Variants in ECT2L observed in about 807,000 individuals in gnomAD.
ECT2L encodes the protein epithelial cell transforming 2 like.
In ECT2L, 126 loss-of-function variants were observed where a neutral mutation model predicts 122.8. The ratio of observed to expected loss-of-function variants is 1.03; its 90% CI spans 0.89 to 1.19. The LOEUF (loss-of-function observed/expected upper bound fraction) is 1.19. Ranked by LOEUF, ECT2L falls within the 50% of genes most tolerant of loss-of-function variation. ECT2L has a pLI of 0.00. For synonymous variants in ECT2L, 385 were observed against 381.8 expected (o/e 1.01, Z -0.10); for missense variants, 1,012 against 1,064.1 (o/e 0.95, Z 0.68).
intron 18 of ECT2L, 68 bp from the exon 19 acceptor site, chr6:138,886,789 A>G (rs1316242541): frequency 9.1e-7 from 1 of 1,094,234 alleles, no homozygotes; most frequent in Admixed American, 1.9e-5. Context: ...AAAATATTTT[A>G]ATCTATTTCT....
chr6:138,879,199 C>T, intron 14 of ECT2L: 1 of 305,018 alleles, frequency 3.3e-6, no homozygotes, highest in East Asian at 9.3e-5. Context: ...AATAGGCTTT[C>T]ATTAGTTTAC....
chr6:138,839,364 C>CTTTTT (rs11325945), intron 5 of ECT2L, among the ~76,000 whole-genome samples: 1 of 147,614 alleles, frequency 6.8e-6, no homozygotes, highest in African/African-American at 2.5e-5. Flanking sequence ...TAAACACATA[C>CTTTTT]TTTTTTTTTT....
At chr6:138,886,251 A>G (rs952423303) in intron 18 of ECT2L, among the ~76,000 whole-genome samples, 3 of 152,210 alleles carry the variant, frequency 2.0e-5, no homozygotes, top group African/African-American at 7.2e-5. Context: ...GGAGTACAGT[A>G]CTATCATTCT....
At chr6:138,832,721 T>A (rs1434951848) in intron 4 of ECT2L, among the ~76,000 whole-genome samples, 1 of 152,018 alleles carries the variant, frequency 6.6e-6, no homozygotes, top group Non-Finnish European at 1.5e-5. Context: ...CAATTTCAGC[T>A]CCCATTTAGT....
chr6:138,829,673 A>G (rs1258515066), intron 4 of ECT2L, among the ~76,000 whole-genome samples: 1 of 152,102 alleles, frequency 6.6e-6, no homozygotes, highest in African/African-American at 2.4e-5. Flanking sequence ...TGTTGTCCTT[A>G]AGGTATGCCA....
chr6:138,844,636 C>T, intron 7 of ECT2L, 56 bp downstream of exon 7: 1 of 1,513,594 alleles, frequency 6.6e-7, no homozygotes, highest in Admixed American at 1.8e-5. Context: ...CAATAATTCA[C>T]TCTAGAATAA....
intron 4 of ECT2L, among the ~76,000 whole-genome samples, chr6:138,829,916 G>T (rs1192934449): frequency 6.6e-6 from 1 of 152,026 alleles, no homozygotes; most frequent in Non-Finnish European, 1.5e-5. Context: ...TAGAGATGGG[G>T]TTTCACCATG....
chr6:138,818,875 G>T (rs1011688402), intron 4 of ECT2L, among the ~76,000 whole-genome samples: 1 of 152,154 alleles, frequency 6.6e-6, no homozygotes, highest in East Asian at 1.9e-4. Flanking sequence ...ATCCGGGGGT[G>T]GGGGGTTCTT....
At chr6:138,867,990 A>C in intron 12 of ECT2L, 113 bp from the exon 13 acceptor site, 1 of 681,964 alleles carries the variant, frequency 1.5e-6, no homozygotes, top group Non-Finnish European at 2.2e-6. Flanking sequence ...ACAGAGTAAG[A>C]TTCTGTCTCA....
At chr6:138,856,406 G>T (rs1252482879) in intron 10 of ECT2L, among the ~76,000 whole-genome samples, 2 of 152,120 alleles carry the variant, frequency 1.3e-5, no homozygotes, top group African/African-American at 4.8e-5. Flanking sequence ...GTGGAGACGG[G>T]GTTTCACCAT....
At chr6:138,835,785 A>G (rs1046959460) in intron 4 of ECT2L, among the ~76,000 whole-genome samples, 1 of 152,172 alleles carries the variant, frequency 6.6e-6, no homozygotes, top group African/African-American at 2.4e-5. Flanking sequence ...CTCCATTCCC[A>G]TATTCCTGAT....
chr6:138,869,572 C>A (rs1412479908), intron 13 of ECT2L, among the ~76,000 whole-genome samples: 1 of 152,180 alleles, frequency 6.6e-6, no homozygotes, highest in Non-Finnish European at 1.5e-5. Flanking sequence ...GCGAGCCTTG[C>A]TGATAAAATG....
At chr6:138,835,584 T>C (rs1183965207) in intron 4 of ECT2L, among the ~76,000 whole-genome samples, 1 of 151,710 alleles carries the variant, frequency 6.6e-6, no homozygotes, top group African/African-American at 2.4e-5. Context: ...AACAGTTTAA[T>C]AGCTAACATT....
intron 10 of ECT2L, among the ~76,000 whole-genome samples, chr6:138,859,237 G>T (rs1209039819): frequency 6.6e-6 from 1 of 152,144 alleles, no homozygotes; most frequent in Non-Finnish European, 1.5e-5. Context: ...CCATGTATCA[G>T]TATCTCCTTT....
At chr6:138,840,452 C>T (rs770110811) in intron 5 of ECT2L, among the ~76,000 whole-genome samples, 7 of 151,862 alleles carry the variant, frequency 4.6e-5, no homozygotes, top group South Asian at 2.1e-4. Context: ...TTTCCTTTTG[C>T]GTTCTATTTA....
chr6:138,851,797 T>C (rs906443423), intron 9 of ECT2L, among the ~76,000 whole-genome samples: 8 of 152,234 alleles, frequency 5.3e-5, no homozygotes, highest in Non-Finnish European at 1.2e-4. Flanking sequence ...TTGTACACTT[T>C]GATGCACAAA....
chr6:138,900,533 C>A (rs1779363692), intron 20 of ECT2L, among the ~76,000 whole-genome samples: 3 of 152,188 alleles, frequency 2.0e-5, no homozygotes, highest in Non-Finnish European at 4.4e-5. Context: ...GCGTGAGCCA[C>A]CGCGCCCAGC....
intron 5 of ECT2L, among the ~76,000 whole-genome samples, chr6:138,840,062 T>C (rs955780078): frequency 2.0e-5 from 3 of 152,220 alleles, no homozygotes; most frequent in African/African-American, 7.2e-5. Flanking sequence ...ATATGTACTA[T>C]ATACTGTATT....
chr6:138,825,778 C>G (rs1023787555), intron 4 of ECT2L, among the ~76,000 whole-genome samples: 8 of 152,134 alleles, frequency 5.3e-5, no homozygotes, highest in Admixed American at 3.9e-4. Flanking sequence ...TATTGCTTTA[C>G]CCATATCTAG....
Sources: allele counts gnomAD v4.1 joint callset (sites outside exome capture counted in the v4.1 genomes callset), GRCh38; gene constraint gnomAD v4.1.1; transcripts MANE v1.5; gene names NCBI Gene and HGNC (gene_info 2026-07-23, HGNC 2026-07-21).